NCOR2: variants seen among roughly 807,000 people sequenced by gnomAD.
NCOR2 encodes CTG repeat protein 26.
A neutral mutation model predicts 262.9 loss-of-function variants in NCOR2; 81 were observed. That is an observed-to-expected ratio of 0.31 (90% CI 0.26 to 0.37). The LOEUF (loss-of-function observed/expected upper bound fraction) is 0.37. Among genes scored for constraint, NCOR2 ranks in the 10% least tolerant of loss-of-function variants. The pLI, the probability that NCOR2 is intolerant of heterozygous loss-of-function variation, is 1.00. For synonymous variants in NCOR2, 1,659 were observed against 1,559.3 expected, an observed-to-expected ratio of 1.06 and a Z score of -1.51; for missense variants, 3,385 against 3,621.4, an observed-to-expected ratio of 0.93 and a Z score of 1.68.
chr12:124,413,439 T>C (rs968618372), intron 13 of NCOR2, among the ~76,000 whole-genome samples: 3 of 152,076 alleles, frequency 2.0e-5, no homozygotes, highest in Non-Finnish European at 4.4e-5. Context: ...CGGATGAACA[T>C]GCATATACTG....
chr12:124,376,780 A>G (rs1404975566), intron 18 of NCOR2, among the ~76,000 whole-genome samples: 1 of 152,194 alleles, frequency 6.6e-6, no homozygotes, highest in Non-Finnish European at 1.5e-5. Context: ...GGGAGAAGCC[A>G]GGGCGTTCAA....
At chr12:124,474,673 G>A (rs1039286864) in intron 3 of NCOR2, among the ~76,000 whole-genome samples, 1 of 152,124 alleles carries the variant, frequency 6.6e-6, no homozygotes, top group Non-Finnish European at 1.5e-5. Context: ...CTGCCCAATG[G>A]GGAGAACAGC....
intron 1 of NCOR2, among the ~76,000 whole-genome samples, chr12:124,557,465 T>C (rs1012119911): frequency 6.6e-6 from 1 of 152,204 alleles, no homozygotes; most frequent in African/African-American, 2.4e-5. Context: ...CCTTCTCCTC[T>C]GTGTCTTTTT....
At chr12:124,372,034 C>T in exon 20 of NCOR2, 1 of 1,589,672 alleles carries the variant, frequency 6.3e-7, no homozygotes. Context: ...GTTCTTGTCG[C>T]CGCCCTCGGC....
chr12:124,385,713 A>G (rs1207488920), intron 17 of NCOR2, 32 bp downstream of exon 19: 4 of 1,608,834 alleles, frequency 2.5e-6, no homozygotes, highest in Non-Finnish European at 3.4e-6. Flanking sequence ...CCAGCTTCCC[A>G]GAGGCGCGGT....
At chr12:124,416,619 G>A (rs1419075687) in intron 13 of NCOR2, among the ~76,000 whole-genome samples, 3 of 147,364 alleles carry the variant, frequency 2.0e-5, no homozygotes, top group African/African-American at 5.1e-5. Flanking sequence ...CGCGGCACAG[G>A]GAGTCCCCGC....
chr12:124,525,422 C>T (rs755786319), intron 1 of NCOR2, among the ~76,000 whole-genome samples: 17 of 152,208 alleles, frequency 1.1e-4, no homozygotes, highest in Non-Finnish European at 2.2e-4. Context: ...CTTGCAAAAT[C>T]GTGTTTGTTT....
chr12:124,464,152 T>A (rs191242395), intron 5 of NCOR2, among the ~76,000 whole-genome samples: 165 of 151,714 alleles, frequency 1.1e-3, no homozygotes, highest in African/African-American at 4.0e-3. Flanking sequence ...AAACTCCTTT[T>A]CCTGAAAAAA....
intron 1 of NCOR2, among the ~76,000 whole-genome samples, chr12:124,553,984 G>C (rs988132656): frequency 6.6e-6 from 1 of 152,164 alleles, no homozygotes; most frequent in African/African-American, 2.4e-5. Flanking sequence ...GGATGTCCTT[G>C]GCATGGTCAG....
chr12:124,350,785 C>G (rs1566380814), intron 27 of NCOR2, 48 bp from the exon 30 acceptor site: 5 of 1,566,420 alleles, frequency 3.2e-6, no homozygotes, highest in Non-Finnish European at 3.5e-6. Context: ...GCCCAGGACC[C>G]CTCTCAACTC....
Position 124,443,935 on chromosome 12 carries a change from C to T in NCOR2, c.815+5880G>A, listed in dbSNP as rs2044983624. On this transcript the variant is annotated intron_variant, in intron 7 of 46. Transcript: ENST00000405201. The surrounding 1 kb of genome is among the most constrained non-coding windows in gnomAD (Gnocchi z 4.4). The stretch of plus-strand genomic sequence containing the variant: ...CCCTTCATGGCCACAGGCTGGGAAA[C>T]TGAGGCTTGGCTGCTCCTTTCAAAG... Among the ~76,000 whole-genome samples the T allele has an allele frequency of 6.6e-6, 1 of 152,122 alleles. No homozygotes were observed. The highest frequency in any genetic ancestry group is 1.5e-5 in the Non-Finnish European group (1 of 68,036).
Position 124,347,109 on chromosome 12 carries a change from C to T in NCOR2, c.4073-259G>A, listed in dbSNP as rs2036995691. Among the ~76,000 whole-genome samples the T allele has an allele frequency of 2.6e-5, 4 of 152,216 alleles. No individual in the cohort carries two copies. The South Asian group carries it at 8.3e-4, about 32-fold the overall frequency. On this transcript the variant is annotated intron_variant, in intron 30 of 46. Transcript: ENST00000405201. Reference sequence around the variant, plus strand: ...ACAGGCTGGGTGCAGTAGCTCACGCCTGTAATCCCAACACTCTGGGGGGCT... The same window carrying T: ...ACAGGCTGGGTGCAGTAGCTCACGCTTGTAATCCCAACACTCTGGGGGGCT...
chr12:124,483,673 G>A lies in NCOR2; in HGVS notation c.334C>T (p.Leu112=). Residue 112 remains leucine, a synonymous_variant, in exon 3 of 47, where the codon CTG becomes TTG. Transcript: ENST00000405201. The surrounding 1 kb of genome is among the most constrained non-coding windows in gnomAD (Gnocchi z 6.3). The stretch of plus-strand genomic sequence containing the variant: ...GGTCGCAGCAGGGGGTCAGGCAGCA[G>A]CTCTAGCCGAGGGCGCTTGCTTTCA... 1 of 1,611,716 alleles carries A rather than the reference G, an allele frequency of 6.2e-7. No individual in the cohort carries two copies. Among genetic ancestry groups the A allele is most frequent in the Non-Finnish European group, 8.5e-7 (1 of 1,179,154 alleles).
At position 124,335,765 on chromosome 12, in the gene NCOR2, C is replaced by T. The variant is rs573477531; in HGVS notation, c.6116-133G>A. On this transcript the variant is annotated intron_variant, in intron 38 of 46. Transcript: ENST00000405201. ...ACCCAAGCTAGGGGTAGGGTTTGGG[C>T]TCCCAAAGACAGTAAGGCAGAGAGG... The T allele has an allele frequency of 2.8e-5, 29 of 1,020,606 alleles. No homozygotes were observed. In the African/African-American group the frequency reaches 3.4e-4, roughly 12 times the overall value. 63.2% of individuals were successfully genotyped at this position (1,020,606 alleles called of 1,614,324 possible). A position where few individuals can be genotyped will look rare whatever the true frequency, so the allele number is the denominator to read the frequency against.
At position 124,522,012 on chromosome 12, in the gene NCOR2, A is replaced by T. The variant is rs191269093; in HGVS notation, c.-118+13553T>A. 3.9e-5 allele frequency among the ~76,000 whole-genome samples: 6 copies of T among 152,244 alleles called. No homozygotes were observed. The East Asian group carries it at 1.2e-3, about 29-fold the overall frequency. ...AGCCTGGGCAACAGAGCAAGGCCGC[A>T]TCTCAAATAAACAAATAAATAAACA... On this transcript the variant is annotated intron_variant, in intron 1 of 46. Coordinates refer to the NCOR2 transcript ENST00000404621.
At chr12:124,449,923 G>T in intron 6 of NCOR2, 56 bp from the exon 9 acceptor site, 2 of 1,572,596 alleles carry the variant, frequency 1.3e-6, no homozygotes, top group South Asian at 2.3e-5. Context: ...CGCCACTACA[G>T]AGCCCACCGG....
chr12:124,422,695 G>T, intron 11 of NCOR2, 140 bp from the exon 14 acceptor site: 4 of 913,878 alleles, frequency 4.4e-6, no homozygotes, highest in Admixed American at 2.1e-5. Flanking sequence ...TAAGCCCAGG[G>T]GGGTGTGGGA....
chr12:124,371,914 T>G, intron 20 of NCOR2, 108 bp downstream of exon 22: 1 of 1,150,450 alleles, frequency 8.7e-7, no homozygotes, highest in Non-Finnish European at 1.2e-6. Context: ...CACCTCGGGC[T>G]CCCCCAAAGC....
chr12:124,427,949 G>A (rs2043651342), intron 10 of NCOR2, among the ~76,000 whole-genome samples: 1 of 152,048 alleles, frequency 6.6e-6, no homozygotes, highest in African/African-American at 2.4e-5. Context: ...GCTGGCTGGG[G>A]AAGTTTCTGT....
Sources: gnomAD v4.1 joint callset for allele counts (sites outside exome capture counted in the v4.1 genomes callset) on GRCh38, gnomAD v4.1.1 for gene constraint, Gnocchi (gnomAD v3.1) non-coding constraint, MANE v1.5 for transcripts, NCBI Gene and HGNC (gene_info 2026-07-23, HGNC 2026-07-21) for gene names.